PAPPA: variants seen among roughly 807,000 people sequenced by gnomAD.
PAPPA encodes the protein pappalysin 1, also known as pappalysin-1.
Under a neutral mutation model 164.0 loss-of-function variants are expected in PAPPA, and 60 were observed. The ratio of observed to expected loss-of-function variants is 0.37; its 90% CI spans 0.30 to 0.45. PAPPA has a LOEUF of 0.45. Among genes scored for constraint, PAPPA ranks in the 20% least tolerant of loss-of-function variants. The probability of loss-of-function intolerance (pLI) is 1.00; values close to 1 mark genes in which losing one functional copy is unlikely to be tolerated. For synonymous variants in PAPPA, 875 were observed against 814.1 expected, an observed-to-expected ratio of 1.07 and a Z score of -1.27; for missense variants, 1,782 against 2,087.3, an observed-to-expected ratio of 0.85 and a Z score of 2.85.
chr9:116,155,590 TC>T (rs1489000847), intron 1 of PAPPA, among the ~76,000 whole-genome samples: 1 of 152,086 alleles, frequency 6.6e-6, no homozygotes, highest in Non-Finnish European at 1.5e-5. Context: ...GAGTAGGGGT[TC>T]CCCCTTCACT....
chr9:116,372,922 A>G (rs2118668908), intron 19 of PAPPA, among the ~76,000 whole-genome samples: 1 of 152,332 alleles, frequency 6.6e-6, no homozygotes, highest in Middle Eastern at 3.4e-3. Flanking sequence ...TCATTGCCCA[A>G]TTCACATAAC....
Position 116,271,767 on chromosome 9 carries a change from T to C in PAPPA, c.2953+351T>C, listed in dbSNP as rs1418981236. 6.6e-6 allele frequency among the ~76,000 whole-genome samples: 1 copy of C among 152,164 alleles called. No homozygotes were observed. The highest frequency in any genetic ancestry group is 1.5e-5 in the Non-Finnish European group (1 of 68,042). ...GATGTTTTAAGGCTTTTATTCCTACTTCAGAGATAAGAAAAAATCAAACGC... is the reference window on the plus strand; with the variant it reads ...GATGTTTTAAGGCTTTTATTCCTACCTCAGAGATAAGAAAAAATCAAACGC... On this transcript the variant is annotated intron_variant, in intron 9 of 21. Transcript: ENST00000328252. This position sits in a 1 kb window ranked among gnomAD's most constrained non-coding sequence, Gnocchi z 4.2.
chr9:116,285,134 T>C (rs1479685349), intron 9 of PAPPA, among the ~76,000 whole-genome samples: 2 of 151,224 alleles, frequency 1.3e-5, no homozygotes, highest in Non-Finnish European at 2.9e-5. Context: ...CTTTTCTTTT[T>C]CTTTTTTCTT....
chr9:116,346,022 C>T (rs147245938), intron 14 of PAPPA, among the ~76,000 whole-genome samples: 3 of 152,278 alleles, frequency 2.0e-5, no homozygotes, highest in East Asian at 1.9e-4. Flanking sequence ...CACCTACTTC[C>T]GTGTGTCAGA....
intron 10 of PAPPA, among the ~76,000 whole-genome samples, chr9:116,319,606 A>G (rs1476324191): frequency 6.6e-6 from 1 of 152,106 alleles, no homozygotes; most frequent in African/African-American, 2.4e-5. Flanking sequence ...AAGCATTTGG[A>G]TATTTATCAT....
Position 116,320,505 on chromosome 9 carries a change from G to A in PAPPA, c.3148-10739G>A, listed in dbSNP as rs147342694. On this transcript the variant is annotated intron_variant, in intron 10 of 21. Transcript: ENST00000328252. ...TTTCACACTCTGGCCCTGCACACAG[G>A]AAATGCTTCTTTCCTTGATTGTCTG... Among the ~76,000 whole-genome samples, 183 of 152,328 alleles carry A rather than the reference G, an allele frequency of 1.2e-3. 1 individual carries two copies. The highest frequency in any genetic ancestry group is 4.2e-3 in the African/African-American group (176 of 41,586).
At chr9:116,215,236 TCTC>T (rs951237795) in intron 4 of PAPPA, among the ~76,000 whole-genome samples, 12 of 152,284 alleles carry the variant, frequency 7.9e-5, no homozygotes, top group East Asian at 3.9e-4. Context: ...GCAGTTTACT[TCTC>T]CTCTCTGAGC....
At chr9:116,176,768 T>C (rs1003472132) in intron 1 of PAPPA, among the ~76,000 whole-genome samples, 1 of 152,174 alleles carries the variant, frequency 6.6e-6, no homozygotes. Flanking sequence ...TATATTCTTT[T>C]AAACTTTAAA....
At chr9:116,273,324 C>A (rs1248273978) in intron 9 of PAPPA, among the ~76,000 whole-genome samples, 1 of 152,176 alleles carries the variant, frequency 6.6e-6, no homozygotes, top group African/African-American at 2.4e-5. Context: ...CCATAGCCAG[C>A]CTGCCCCCTG....
rs532944342 is a variant in PAPPA at position 116,188,014 on chromosome 9, C to T, written c.1276C>T (p.Pro426Ser). ...ISKIGDENCD[P>S]ECNHTLTGHD... Reference sequence around the variant, plus strand: ...CAAGATTGGGGATGAGAACTGTGACCCCGAGTGCAACCACACGCTGACGGG... The same window carrying T: ...CAAGATTGGGGATGAGAACTGTGACTCCGAGTGCAACCACACGCTGACGGG... Residue 426 changes from proline (P) to serine (S), a missense_variant, in exon 2 of 22, where the codon CCC becomes TCC. Coordinates refer to ENST00000328252, the MANE Select transcript of PAPPA (RefSeq NM_002581.5). 2.5e-6 allele frequency: 4 copies of T among 1,614,196 alleles called. No individual in the cohort carries two copies. In the Admixed American group the frequency reaches 6.7e-5, roughly 27 times the overall value.
chr9:116,169,307 A>ATTTTTTTTT (rs1843748582), intron 1 of PAPPA, among the ~76,000 whole-genome samples: 1 of 41,324 alleles, frequency 2.4e-5, no homozygotes, highest in Non-Finnish European at 6.7e-5. Context: ...CTCCAAACCC[A>ATTTTTTTTT]TTCTTTTTTT....
chr9:116,380,255 G>A (rs529986743), intron 20 of PAPPA, among the ~76,000 whole-genome samples: 75 of 152,204 alleles, frequency 4.9e-4, no homozygotes, highest in Admixed American at 3.7e-3. Flanking sequence ...GTAACACATC[G>A]TAGGAATTAA....
intron 2 of PAPPA, among the ~76,000 whole-genome samples, chr9:116,191,774 G>A (rs1564178984): frequency 6.6e-6 from 1 of 152,134 alleles, no homozygotes; most frequent in African/African-American, 2.4e-5. Flanking sequence ...GAGGGTCCTA[G>A]CAGGAAACAG....
intron 9 of PAPPA, among the ~76,000 whole-genome samples, chr9:116,298,923 G>A (rs551196164): frequency 1.3e-5 from 2 of 152,174 alleles, no homozygotes; most frequent in Non-Finnish European, 1.5e-5. Context: ...TATTTAAGGA[G>A]CACCAAGTAA....
intron 7 of PAPPA, among the ~76,000 whole-genome samples, chr9:116,242,923 T>G (rs1044211884): frequency 6.6e-6 from 1 of 152,226 alleles, no homozygotes. Context: ...TATGTGCTCT[T>G]AAGTAAGCAT....
In PAPPA at chr9:116,344,548, T is replaced by C; in HGVS notation, c.3617T>C (p.Val1206Ala). The C allele has an allele frequency of 6.2e-7, 1 of 1,612,464 alleles. No individual in the cohort carries two copies. The highest frequency in any genetic ancestry group is 8.5e-7 in the Non-Finnish European group (1 of 1,178,588). The change falls in exon 14 of 22, where the codon GTG (valine) becomes GCG (alanine). Residue 1206 changes from valine to alanine, a missense_variant. Physicochemically the swap from Val to Ala is moderately conservative, Grantham distance 64. Transcript: ENST00000328252. ...ETYSPAEQSC[V>A]HFACEKTDCP... is the part of the protein sequence containing the mutation. ...CTCGTTTCTTTCCTCCCCAGCTGCG[T>C]GCACTTCGCATGTGAGAAAACTGAC...
chr9:116,334,518 C>T (rs2118955489), intron 12 of PAPPA, among the ~76,000 whole-genome samples: 1 of 152,166 alleles, frequency 6.6e-6, no homozygotes, highest in East Asian at 1.9e-4. Flanking sequence ...TGAAACTCAG[C>T]AACTCAGACC....
intron 4 of PAPPA, among the ~76,000 whole-genome samples, chr9:116,215,254 G>T (rs1844356119): frequency 6.6e-6 from 1 of 152,122 alleles, no homozygotes; most frequent in Non-Finnish European, 1.5e-5. Context: ...CTGAGCCTCA[G>T]TTATTTCATT....
chr9:116,269,094 G>A (rs1168959708), intron 8 of PAPPA, among the ~76,000 whole-genome samples: 1 of 152,126 alleles, frequency 6.6e-6, no homozygotes. Flanking sequence ...TTTTGATAAT[G>A]ACAATAATAT....
Sources: allele counts gnomAD v4.1 joint callset (sites outside exome capture counted in the v4.1 genomes callset), GRCh38; gene constraint gnomAD v4.1.1; non-coding constraint Gnocchi (gnomAD v3.1); transcripts MANE v1.5; gene names NCBI Gene and HGNC (gene_info 2026-07-23, HGNC 2026-07-21).